Variants in PRKCQ observed in about 807,000 individuals in gnomAD.
PRKCQ encodes the protein protein kinase C theta type.
Under a neutral mutation model 91.2 loss-of-function variants are expected in PRKCQ, and 41 were observed. The observed-to-expected ratio is 0.45, with a 90% CI of 0.35 to 0.58. PRKCQ has a LOEUF of 0.58. PRKCQ is among the 20% of genes least tolerant of loss of function. PRKCQ has a pLI of 0.00. For synonymous variants in PRKCQ, 307 were observed against 316.9 expected, an observed-to-expected ratio of 0.97 and a Z score of 0.33; for missense variants, 673 against 896.5, an observed-to-expected ratio of 0.75 and a Z score of 3.18.
At chr10:6,496,823 T>C (rs1289613323) in intron 7 of PRKCQ, among the ~76,000 whole-genome samples, 1 of 152,190 alleles carries the variant, frequency 6.6e-6, no homozygotes, top group Non-Finnish European at 1.5e-5. Flanking sequence ...TACAGGCTTA[T>C]GCCACCAGGC....
At chr10:6,481,090 C>T (rs1325407451) in intron 11 of PRKCQ, among the ~76,000 whole-genome samples, 1 of 152,104 alleles carries the variant, frequency 6.6e-6, no homozygotes, top group African/African-American at 2.4e-5. Context: ...TTGATATCTC[C>T]CCCTCCTCTC....
At chr10:6,484,937 C>T (rs1475158848) in intron 10 of PRKCQ, among the ~76,000 whole-genome samples, 1 of 152,164 alleles carries the variant, frequency 6.6e-6, no homozygotes, top group Non-Finnish European at 1.5e-5. Context: ...TTGTTCCCTC[C>T]AGACCTATCC....
At chr10:6,416,067 G>T in the PRKCQ span, among the ~76,000 whole-genome samples, 2 of 151,992 alleles carry the variant, frequency 1.3e-5, no homozygotes, top group Non-Finnish European at 1.5e-5. Flanking sequence ...TTTTGAAAAA[G>T]GAATGGACCA....
the PRKCQ span, among the ~76,000 whole-genome samples, chr10:6,412,341 G>C: frequency 2.0e-5 from 3 of 152,312 alleles, no homozygotes; most frequent in Middle Eastern, 3.4e-3. Context: ...CCTCAAATCA[G>C]TTTAGAGATT....
rs779180891 is a variant in PRKCQ, at chr10:6,479,022, C to G, written c.1323G>C (p.Leu441=). The G allele has an allele frequency of 1.2e-6, 2 of 1,614,202 alleles. No individual in the cohort carries two copies. Among genetic ancestry groups the G allele is most frequent in the South Asian group, 2.2e-5 (2 of 91,082 alleles). The change falls in exon 12 of 18, where the codon CTG becomes CTC. Residue 441 remains leucine, a synonymous_variant. Transcript: ENST00000263125. The part of the protein sequence containing the change: ...VLSLAWEHPF[L]THMFCTFQTK... The stretch of plus-strand genomic sequence containing the variant: ...TCTGGAATGTACAAAACATGTGCGT[C>G]AGAAACGGATGCTCCCAGGCCAAGG...
intron 1 of PRKCQ, among the ~76,000 whole-genome samples, chr10:6,545,740 C>T (rs906787507): frequency 8.5e-5 from 13 of 152,278 alleles, no homozygotes; most frequent in East Asian, 3.9e-4. Flanking sequence ...AGGCCAGGCA[C>T]GGTGGCTCAT....
chr10:6,569,460 G>A (rs1467702987), intron 1 of PRKCQ, among the ~76,000 whole-genome samples: 3 of 152,054 alleles, frequency 2.0e-5, no homozygotes, highest in East Asian at 1.9e-4. Context: ...TAGAACCTTC[G>A]AATCCACATC....
At chr10:6,422,569 A>G (rs1482448416), downstream of PRKCQ, among the ~76,000 whole-genome samples, 1 of 152,122 alleles carries the variant, frequency 6.6e-6, no homozygotes, top group East Asian at 1.9e-4. Context: ...GTCCTTGTTG[A>G]TAAAATGGAG....
At chr10:6,561,762 T>C (rs1314436110) in intron 1 of PRKCQ, among the ~76,000 whole-genome samples, 1 of 152,226 alleles carries the variant, frequency 6.6e-6, no homozygotes, top group East Asian at 1.9e-4. Context: ...ACTTTCTTCT[T>C]AACAGCTCTT....
At chr10:6,523,171 C>T (rs139977653) in intron 1 of PRKCQ, among the ~76,000 whole-genome samples, 23 of 152,248 alleles carry the variant, frequency 1.5e-4, no homozygotes, top group African/African-American at 5.5e-4. Context: ...AAGTATGGGC[C>T]AGGTGCAGTA....
At chr10:6,398,443 A>T in the PRKCQ span, among the ~76,000 whole-genome samples, 8 of 152,242 alleles carry the variant, frequency 5.3e-5, no homozygotes, top group Non-Finnish European at 1.5e-5. Flanking sequence ...GTTAGTCAAT[A>T]TTCTTTCATG....
chr10:6,428,452 G>A, intron 17 of PRKCQ, 90 bp from the exon 18 acceptor site: 1 of 1,430,288 alleles, frequency 7.0e-7, no homozygotes. Flanking sequence ...GCCGTGATCT[G>A]CGTATGGCAA....
chr10:6,414,143 T>C, the PRKCQ span, among the ~76,000 whole-genome samples: 2 of 152,096 alleles, frequency 1.3e-5, no homozygotes, highest in Non-Finnish European at 2.9e-5. Flanking sequence ...GTCATGTAGG[T>C]AGAACAGAGA....
At chr10:6,546,571 A>T (rs1296214703) in intron 1 of PRKCQ, among the ~76,000 whole-genome samples, 1 of 152,158 alleles carries the variant, frequency 6.6e-6, no homozygotes, top group Non-Finnish European at 1.5e-5. Context: ...TGATTTTTGT[A>T]CATTGATTTC....
At chr10:6,519,471 C>T (rs992131539) in intron 1 of PRKCQ, among the ~76,000 whole-genome samples, 1 of 152,156 alleles carries the variant, frequency 6.6e-6, no homozygotes, top group South Asian at 2.1e-4. Context: ...ACAGGAAAAG[C>T]CACACCCTTG....
chr10:6,550,280 A>C (rs761364446), intron 1 of PRKCQ, among the ~76,000 whole-genome samples: 5 of 151,980 alleles, frequency 3.3e-5, no homozygotes, highest in African/African-American at 9.7e-5. Flanking sequence ...ATCCCATTGC[A>C]CTTTTTTTTC....
At position 6,485,255 on chromosome 10, in the gene PRKCQ, T is replaced by C. The variant is rs1329630716; in HGVS notation, c.915A>G (p.Arg305=). Residue 305 remains arginine (R), a synonymous_variant, in exon 10 of 18, where the codon AGA becomes AGG. Coordinates refer to ENST00000263125, the MANE Select transcript of PRKCQ (RefSeq NM_006257.5). Reference sequence around the variant, plus strand: ...CTTCTCTGAAGATCTGTTCAGTATCTCTTAAGCAGCGAGCCTGGATGACAA... The same window carrying C: ...CTTCTCTGAAGATCTGTTCAGTATCCCTTAAGCAGCGAGCCTGGATGACAA... The part of the protein sequence containing the change: ...IESTQQARCL[R]DTEQIFREGP... 1.2e-6 allele frequency: 2 copies of C among 1,613,708 alleles called. No homozygotes were observed. Among genetic ancestry groups the C allele is most frequent in the Non-Finnish European group, 1.7e-6 (2 of 1,179,794 alleles).
At chr10:6,464,998 G>A (rs555320860) in intron 12 of PRKCQ, among the ~76,000 whole-genome samples, 8 of 152,266 alleles carry the variant, frequency 5.3e-5, no homozygotes, top group African/African-American at 1.9e-4. Flanking sequence ...GAGTCCAGTT[G>A]ACCTGCTGGC....
chr10:6,529,845 T>C (rs1839327885), intron 1 of PRKCQ, among the ~76,000 whole-genome samples: 1 of 152,188 alleles, frequency 6.6e-6, no homozygotes. Flanking sequence ...AATTAATCCA[T>C]GGAAAATGCG....
Sources: gnomAD v4.1 joint callset for allele counts (sites outside exome capture counted in the v4.1 genomes callset) on GRCh38, gnomAD v4.1.1 for gene constraint, MANE v1.5 for transcripts, NCBI Gene and HGNC (gene_info 2026-07-23, HGNC 2026-07-21) for gene names.